Variants in BICC1 observed in about 807,000 individuals in gnomAD.
BICC1 encodes the protein protein bicaudal C homolog 1.
BICC1 carries 43 observed loss-of-function variants against 111.0 expected under a neutral mutation model. The observed-to-expected ratio is 0.39, with a 90% CI of 0.30 to 0.50. The LOEUF (loss-of-function observed/expected upper bound fraction) is 0.50, where lower values mean the gene tolerates loss of function less well. BICC1 is among the 20% of genes least tolerant of loss of function. The pLI is 0.88. For synonymous variants in BICC1, 467 were observed against 434.4 expected, an observed-to-expected ratio of 1.07 and a Z score of -0.93; for missense variants, 1,091 against 1,203.2, an observed-to-expected ratio of 0.91 and a Z score of 1.38.
At chr10:58,542,026 C>T (rs1842996631) in intron 1 of BICC1, among the ~76,000 whole-genome samples, 1 of 151,410 alleles carries the variant, frequency 6.6e-6, no homozygotes, top group South Asian at 2.1e-4. Context: ...TGATGTGTGC[C>T]TTTGGTCCTA....
chr10:58,651,981 C>T (rs938597766), intron 2 of BICC1, among the ~76,000 whole-genome samples: 3 of 152,018 alleles, frequency 2.0e-5, no homozygotes, highest in African/African-American at 7.2e-5. Context: ...TTTATGGAAC[C>T]ACCCAGAGGG....
intron 2 of BICC1, among the ~76,000 whole-genome samples, chr10:58,644,998 C>CA (rs923264837): frequency 2.0e-5 from 3 of 151,854 alleles, no homozygotes; most frequent in Admixed American, 6.6e-5. Context: ...TGTGTCTAAA[C>CA]AAAAAAAATT....
chr10:58,580,304 G>A (rs2132008438), intron 1 of BICC1, among the ~76,000 whole-genome samples: 1 of 152,270 alleles, frequency 6.6e-6, no homozygotes, highest in East Asian at 1.9e-4. Flanking sequence ...GATTACAGGT[G>A]TGAGCCACTT....
intron 1 of BICC1, among the ~76,000 whole-genome samples, chr10:58,542,340 A>G (rs903481970): frequency 6.6e-6 from 1 of 152,056 alleles, no homozygotes; most frequent in Non-Finnish European, 1.5e-5. Flanking sequence ...ATGCAGAAGA[A>G]TGGTATAACC....
At chr10:58,701,951 T>G (rs774403937) in intron 2 of BICC1, 123 bp from the exon 3 acceptor site, 1 of 640,506 alleles carries the variant, frequency 1.6e-6, no homozygotes, top group Non-Finnish European at 2.6e-6. Context: ...TGTTTTCAAA[T>G]GAGATCATTT....
chr10:58,733,494 A>G (rs954740922), intron 3 of BICC1, among the ~76,000 whole-genome samples: 2 of 152,218 alleles, frequency 1.3e-5, no homozygotes, highest in Admixed American at 6.5e-5. Flanking sequence ...AATGTCCCCA[A>G]TACATTTCTG....
chr10:58,640,087 A>G (rs1472699739), intron 2 of BICC1, among the ~76,000 whole-genome samples: 4 of 152,202 alleles, frequency 2.6e-5, no homozygotes, highest in African/African-American at 4.8e-5. Flanking sequence ...CAGTAAGCAT[A>G]AGATAACATT....
upstream of BICC1, among the ~76,000 whole-genome samples, chr10:58,512,713 T>TGTGTGTGTGCGCGCGCGA (rs1476796734): frequency 6.6e-6 from 1 of 151,622 alleles, no homozygotes; most frequent in Admixed American, 6.6e-5. Context: ...GTGTACGTGG[T>TGTGTGTGTGCGCGCGCGA]GTGTGTGTGC....
chr10:58,637,003 TA>T (rs1269103064), intron 2 of BICC1, among the ~76,000 whole-genome samples: 1 of 151,984 alleles, frequency 6.6e-6, no homozygotes, highest in East Asian at 1.9e-4. Flanking sequence ...TCCATATCTT[TA>T]GTTGCTTGAA....
intron 1 of BICC1, among the ~76,000 whole-genome samples, chr10:58,518,091 G>A (rs755906084): frequency 3.9e-5 from 6 of 152,168 alleles, no homozygotes; most frequent in Non-Finnish European, 5.9e-5. Flanking sequence ...TGAGTGTGGA[G>A]TTCTAGATTT....
At chr10:58,663,529 C>CA (rs2132297634) in intron 2 of BICC1, among the ~76,000 whole-genome samples, 1 of 152,330 alleles carries the variant, frequency 6.6e-6, no homozygotes, top group African/African-American at 2.4e-5. Flanking sequence ...TTGGGTCACA[C>CA]AGCAGGAGGT....
At chr10:58,565,049 T>G (rs1786410827) in intron 1 of BICC1, among the ~76,000 whole-genome samples, 1 of 150,604 alleles carries the variant, frequency 6.6e-6, no homozygotes, top group Non-Finnish European at 1.5e-5. Flanking sequence ...AAGCCAAATC[T>G]TCCAACACTT....
chr10:58,701,996 C>CT lies in BICC1; in HGVS notation c.238-72dup, dbSNP rs1192599561. The CT allele has an allele frequency of 1.1e-5, 12 of 1,086,986 alleles. No homozygotes were observed. The Admixed American group carries it at 1.3e-4, about 12-fold the overall frequency. The allele number at this position is 1,086,986 out of a possible 1,614,324, so 67.3% of individuals were successfully genotyped here. ...ATGAACTTAGGAACTTGAAAATAAA[C>CT]TTTTTTGTGTGTGAAAAATCTTATC... On this transcript the variant is annotated intron_variant, in intron 2 of 20. Coordinates refer to ENST00000373886, the MANE Select transcript of BICC1 (RefSeq NM_001080512.3).
At chr10:58,701,301 C>T (rs961505797) in intron 2 of BICC1, among the ~76,000 whole-genome samples, 5 of 152,134 alleles carry the variant, frequency 3.3e-5, no homozygotes, top group African/African-American at 7.2e-5. Flanking sequence ...CATGAGCAAA[C>T]ATTAATCTAG....
intron 11 of BICC1, among the ~76,000 whole-genome samples, 170 bp from the exon 12 acceptor site, chr10:58,798,886 T>C (rs1843444891): frequency 6.6e-6 from 1 of 152,322 alleles, no homozygotes; most frequent in South Asian, 2.1e-4. Flanking sequence ...TGTCCGATTT[T>C]AACACTCTTT....
At chr10:58,569,769 A>G (rs1161893945) in intron 1 of BICC1, among the ~76,000 whole-genome samples, 2 of 151,964 alleles carry the variant, frequency 1.3e-5, no homozygotes, top group Non-Finnish European at 2.9e-5. Context: ...TATGTGTCAC[A>G]TTTTCTTCAT....
rs1589120573 is a variant in BICC1 at position 58,586,478 on chromosome 10, GTAATACC to G, written c.191-34376_191-34370del. 2.7e-5 allele frequency among the ~76,000 whole-genome samples: 4 copies of G among 148,054 alleles called. No homozygotes were observed. In the East Asian group the frequency reaches 8.5e-4, roughly 31 times the overall value. On this transcript the variant is annotated intron_variant, in intron 1 of 20. Transcript: ENST00000373886. Reference sequence around the variant, plus strand: ...ATAAGATTCATGCAGAGTACTTCCTGTAATACCAGCTACTCGGGTGGCTGAGGCACGA... The same window carrying G: ...ATAAGATTCATGCAGAGTACTTCCTGAGCTACTCGGGTGGCTGAGGCACGA...
Position 58,799,142 on chromosome 10 carries a change from G to C in BICC1, c.1615G>C (p.Gly539Arg), listed in dbSNP as rs777495515. 2.5e-6 allele frequency: 4 copies of C among 1,613,688 alleles called. No homozygotes were observed. The highest frequency in any genetic ancestry group is 1.7e-5 in the Admixed American group (1 of 59,976). The change falls in exon 12 of 21, where the codon GGG (glycine) becomes CGG (arginine). Residue 539 changes from glycine to arginine, a missense_variant. Around this residue, in one of 3 missense-constraint regions of BICC1, gnomAD observed 843 missense variants for 900.8 expected, o/e 0.94. Transcript: ENST00000373886. ...TTTGTTGTCTGGAGTGCCCACCTATGGGCACACAGCTCCATCTCCCCCTCC... is the reference window on the plus strand; with the variant it reads ...TTTGTTGTCTGGAGTGCCCACCTATCGGCACACAGCTCCATCTCCCCCTCC... The part of the protein sequence containing the change: ...NILLSGVPTY[G>R]HTAPSPPPGL...
intron 1 of BICC1, among the ~76,000 whole-genome samples, chr10:58,581,903 T>G (rs922007616): frequency 6.6e-6 from 1 of 152,162 alleles, no homozygotes; most frequent in African/African-American, 2.4e-5. Context: ...TTCCTCTCTA[T>G]CTCTCCTCCC....
Sources: allele counts gnomAD v4.1 joint callset (sites outside exome capture counted in the v4.1 genomes callset), GRCh38; gene constraint gnomAD v4.1.1; regional missense constraint gnomAD v4.1.1; transcripts MANE v1.5; gene names NCBI Gene and HGNC (gene_info 2026-07-23, HGNC 2026-07-21).